The following MYO5B variants were observed in gnomAD, a reference collection of about 807,000 sequenced individuals.
MYO5B encodes the protein unconventional myosin-Vb.
In MYO5B, 143 loss-of-function variants were observed where a neutral mutation model predicts 229.3. That is an observed-to-expected ratio of 0.62 (90% CI 0.54 to 0.72). MYO5B has a LOEUF of 0.72. Among genes scored for constraint, MYO5B ranks in the 30% least tolerant of loss-of-function variants. The pLI, the probability that MYO5B is intolerant of heterozygous loss-of-function variation, is 0.00. For missense variants in MYO5B, 2,321 were observed against 2,331.0 expected, an observed-to-expected ratio of 1.00 and a Z score of 0.09; for synonymous variants, 918 against 885.2, an observed-to-expected ratio of 1.04 and a Z score of -0.66.
At chr18:50,149,486 G>A (rs1037993502) in intron 1 of MYO5B, among the ~76,000 whole-genome samples, 7 of 151,450 alleles carry the variant, frequency 4.6e-5, no homozygotes, top group African/African-American at 7.3e-5. Context: ...CCAAAAGAGA[G>A]ATATAGATCA....
chr18:50,053,940 T>C (rs910071798), intron 2 of MYO5B, among the ~76,000 whole-genome samples: 4 of 152,130 alleles, frequency 2.6e-5, no homozygotes, highest in African/African-American at 9.7e-5. Flanking sequence ...ACTCAATCCA[T>C]CCCAAAGCCA....
intron 27 of MYO5B, 89 bp downstream of exon 27, chr18:49,872,078 G>A: frequency 8.2e-7 from 1 of 1,218,566 alleles, no homozygotes. Context: ...GCAGACTGGG[G>A]CTCAGGGCCT....
chr18:50,007,851 G>A (rs998442953), intron 4 of MYO5B, among the ~76,000 whole-genome samples: 1 of 152,166 alleles, frequency 6.6e-6, no homozygotes, highest in Non-Finnish European at 1.5e-5. Flanking sequence ...TATAGACTTT[G>A]CTTAAGATTC....
In MYO5B at chr18:49,838,772, G is replaced by A. The variant is rs938442760; in HGVS notation, c.4852+372C>T. On this transcript the variant is annotated intron_variant, in intron 36 of 39. Coordinates refer to ENST00000285039, the MANE Select transcript of MYO5B (RefSeq NM_001080467.3). ...ATCGTGCCGACTGCTGTGTCCTTTCGCATGAACACTCCTGCTTTTTTCCAT... is the reference window on the plus strand; with the variant it reads ...ATCGTGCCGACTGCTGTGTCCTTTCACATGAACACTCCTGCTTTTTTCCAT... Among the ~76,000 whole-genome samples the A allele has an allele frequency of 3.3e-5, 5 of 152,042 alleles. No individual in the cohort carries two copies. The South Asian group carries it at 6.2e-4, about 19-fold the overall frequency.
chr18:49,932,530 C>T (rs1224590424), intron 16 of MYO5B, among the ~76,000 whole-genome samples: 8 of 152,134 alleles, frequency 5.3e-5, no homozygotes, highest in East Asian at 1.9e-4. Flanking sequence ...GTGTGGCCTC[C>T]GCTCTGCCAC....
At chr18:50,042,082 GCAGA>G (rs2030033149) in intron 2 of MYO5B, among the ~76,000 whole-genome samples, 1 of 152,180 alleles carries the variant, frequency 6.6e-6, no homozygotes, top group South Asian at 2.1e-4. Flanking sequence ...AAGGAAGAGG[GCAGA>G]CAAACAGTTA....
At chr18:50,091,998 C>A (rs1284637770) in intron 1 of MYO5B, among the ~76,000 whole-genome samples, 1 of 152,144 alleles carries the variant, frequency 6.6e-6, no homozygotes, top group African/African-American at 2.4e-5. Context: ...AGAATTATGG[C>A]CAAATCCTGT....
intron 5 of MYO5B, among the ~76,000 whole-genome samples, chr18:49,996,800 AAGAG>A (rs1179163768): frequency 6.6e-6 from 1 of 152,234 alleles, no homozygotes; most frequent in Non-Finnish European, 1.5e-5. Flanking sequence ...GGGAAAGAAG[AAGAG>A]ATTCTATAAA....
intron 33 of MYO5B, among the ~76,000 whole-genome samples, chr18:49,844,315 T>C (rs1007694283): frequency 6.6e-6 from 1 of 152,044 alleles, no homozygotes; most frequent in Non-Finnish European, 1.5e-5. Flanking sequence ...AGATGACAGG[T>C]GAGAATGGGG....
intron 33 of MYO5B, among the ~76,000 whole-genome samples, chr18:49,844,551 T>C (rs1198494029): frequency 6.6e-6 from 1 of 152,176 alleles, no homozygotes; most frequent in African/African-American, 2.4e-5. Context: ...CTCCAGTTGG[T>C]ACTTGGGTTA....
chr18:50,162,485 C>T (rs1265719439), intron 1 of MYO5B, among the ~76,000 whole-genome samples: 1 of 152,190 alleles, frequency 6.6e-6, no homozygotes, highest in East Asian at 1.9e-4. Context: ...ATAGACAACT[C>T]TTTTCTTCAA....
chr18:50,050,102 T>C (rs2030352639), intron 2 of MYO5B, among the ~76,000 whole-genome samples: 1 of 152,150 alleles, frequency 6.6e-6, no homozygotes, highest in African/African-American at 2.4e-5. Context: ...GTGTACAATA[T>C]AACCATAACT....
chr18:50,184,092 C>T (rs530524601), intron 1 of MYO5B, among the ~76,000 whole-genome samples: 13 of 152,324 alleles, frequency 8.5e-5, no homozygotes, highest in Admixed American at 7.2e-4. Context: ...GTTGCAGCAA[C>T]ACAAAATGGA....
At chr18:50,033,050 T>G (rs970012546) in intron 4 of MYO5B, among the ~76,000 whole-genome samples, 3 of 152,120 alleles carry the variant, frequency 2.0e-5, no homozygotes, top group African/African-American at 4.8e-5. Context: ...TGCTGGGTCA[T>G]AGGGGGATTT....
At chr18:49,967,051 A>C (rs2025634038) in intron 10 of MYO5B, among the ~76,000 whole-genome samples, 1 of 152,242 alleles carries the variant, frequency 6.6e-6, no homozygotes, top group Admixed American at 6.5e-5. Context: ...AGAGAACTGA[A>C]TTTCTCTTGT....
At chr18:49,882,626 C>CAA (rs10683323) in intron 22 of MYO5B, among the ~76,000 whole-genome samples, 14,702 of 93,712 alleles carry the variant, frequency 0.16, 1,396 homozygotes, top group East Asian at 0.36. Flanking sequence ...GAAATCATCT[C>CAA]AAAAAAAAAA....
chr18:50,164,299 T>TTATG (rs2032812180), intron 1 of MYO5B, among the ~76,000 whole-genome samples: 1 of 152,256 alleles, frequency 6.6e-6, no homozygotes, highest in Non-Finnish European at 1.5e-5. Flanking sequence ...ATATGCCTTG[T>TTATG]TATGGGTGGC....
chr18:49,981,540 T>G (rs1029563145), intron 8 of MYO5B, among the ~76,000 whole-genome samples: 2 of 152,212 alleles, frequency 1.3e-5, no homozygotes, highest in Non-Finnish European at 2.9e-5. Flanking sequence ...GCATCATAGA[T>G]TTACTTTTTT....
chr18:49,883,137 C>G (rs2144112295), intron 22 of MYO5B, among the ~76,000 whole-genome samples: 1 of 152,368 alleles, frequency 6.6e-6, no homozygotes. Context: ...AGGGTGTCTG[C>G]TCTTGCCACT....
Sources: allele counts gnomAD v4.1 joint callset (sites outside exome capture counted in the v4.1 genomes callset), GRCh38; gene constraint gnomAD v4.1.1; transcripts MANE v1.5; gene names NCBI Gene and HGNC (gene_info 2026-07-23, HGNC 2026-07-21).